The following GPHN variants were observed in gnomAD, a reference collection of about 807,000 sequenced individuals.
GPHN encodes gephyrin.
GPHN carries 17 observed loss-of-function variants against 95.5 expected under a neutral mutation model. The observed-to-expected ratio is 0.18, with a 90% CI of 0.12 to 0.27. GPHN has a LOEUF of 0.27. Ranked by LOEUF, GPHN falls within the 10% of genes least tolerant of loss-of-function variation. The pLI, the probability that GPHN is intolerant of heterozygous loss-of-function variation, is 1.00. For synonymous variants in GPHN, 320 were observed against 322.5 expected, an observed-to-expected ratio of 0.99 and a Z score of 0.08; for missense variants, 660 against 978.1, an observed-to-expected ratio of 0.67 and a Z score of 4.34.
the GPHN span, chr14:67,617,328 G>A: frequency 1.3e-5 from 2 of 152,072 alleles, no homozygotes; most frequent in Non-Finnish European, 2.9e-5. Flanking sequence ...GCAGTAGTGA[G>A]AAGGGGAGAA....
chr14:67,498,892 C>T, the GPHN span, among the ~76,000 whole-genome samples: 1 of 152,172 alleles, frequency 6.6e-6, no homozygotes, highest in African/African-American at 2.4e-5. Context: ...TGGTCTTGAA[C>T]TCCTGACCTC....
Position 67,166,731 on chromosome 14 carries a change from G to A in GPHN, c.1975+1505G>A, listed in dbSNP as rs570864347. Among the ~76,000 whole-genome samples, 40 of 152,192 alleles carry A rather than the reference G, an allele frequency of 2.6e-4. 1 individual carries two copies. In the South Asian group the frequency reaches 7.9e-3, roughly 30 times the overall value. On this transcript the variant is annotated intron_variant, in intron 20 of 22. Transcript: ENST00000478722. The stretch of plus-strand genomic sequence containing the variant: ...GTCGCCCAGGCTGGAGTGCAGCAGC[G>A]CGATCTCAGCTCACTGCAACCTCTG...
At chr14:67,311,310 C>CAA in the GPHN span, among the ~76,000 whole-genome samples, 172 of 63,570 alleles carry the variant, frequency 2.7e-3, 5 homozygotes, top group South Asian at 0.012. Context: ...GACTCCGTCT[C>CAA]AAAAAAAAAA....
chr14:67,179,056 A>G (rs1394672977), intron 21 of GPHN, among the ~76,000 whole-genome samples: 1 of 152,130 alleles, frequency 6.6e-6, no homozygotes, highest in South Asian at 2.1e-4. Context: ...TTCTCTTTTC[A>G]CCAGAGCAAC....
the GPHN span, chr14:67,674,673 C>G: frequency 1.0e-5 from 5 of 476,722 alleles, no homozygotes; most frequent in Non-Finnish European, 1.8e-5. Flanking sequence ...CTTCTCCAGC[C>G]AGTGATTGCT....
the GPHN span, among the ~76,000 whole-genome samples, chr14:67,489,272 C>A: frequency 6.7e-3 from 1,018 of 152,300 alleles, 7 homozygotes; most frequent in Non-Finnish European, 7.9e-3. Context: ...ATTCAAATCC[C>A]AGTCCTCAGC....
chr14:66,579,912 T>C (rs748580584), intron 1 of GPHN, among the ~76,000 whole-genome samples: 3 of 151,786 alleles, frequency 2.0e-5, no homozygotes, highest in Non-Finnish European at 4.4e-5. Flanking sequence ...CCAACAACAT[T>C]GGAACACACA....
intron 1 of GPHN, among the ~76,000 whole-genome samples, chr14:66,586,622 G>T (rs531389899): frequency 5.3e-5 from 8 of 152,214 alleles, no homozygotes; most frequent in East Asian, 1.9e-4. Flanking sequence ...ATCTGTAAAG[G>T]ATTTTATTTC....
the GPHN span, among the ~76,000 whole-genome samples, chr14:67,526,256 C>A: frequency 3.3e-5 from 5 of 152,378 alleles, no homozygotes; most frequent in Admixed American, 2.6e-4. Flanking sequence ...AGTGCCAGCT[C>A]TGTATCCCAT....
the GPHN span, chr14:67,690,839 TA>T: frequency 4.9e-6 from 2 of 405,672 alleles, no homozygotes; most frequent in Non-Finnish European, 8.9e-6. Flanking sequence ...GCAGATGACC[TA>T]TACCTGATGC....
the GPHN span, among the ~76,000 whole-genome samples, chr14:67,706,478 A>G: frequency 2.0e-5 from 3 of 152,222 alleles, no homozygotes; most frequent in Non-Finnish European, 2.9e-5. Context: ...CGGGACATCA[A>G]TCAACATATG....
chr14:66,514,360 A>G (rs2058158006), intron 1 of GPHN, among the ~76,000 whole-genome samples: 1 of 152,044 alleles, frequency 6.6e-6, no homozygotes, highest in East Asian at 1.9e-4. Flanking sequence ...ACTGAATCAT[A>G]GAAAGAACAC....
the GPHN span, among the ~76,000 whole-genome samples, chr14:67,293,573 T>A: frequency 6.6e-6 from 1 of 152,174 alleles, no homozygotes; most frequent in Non-Finnish European, 1.5e-5. Flanking sequence ...TATTTACTTA[T>A]GGTTTAAATG....
At chr14:67,692,879 A>T in the GPHN span, 2 of 1,204,642 alleles carry the variant, frequency 1.7e-6, no homozygotes, top group Non-Finnish European at 2.4e-6. Context: ...AATCATCATT[A>T]CTGTGAGGGG....
At chr14:66,640,906 G>T (rs1263593816) in intron 1 of GPHN, among the ~76,000 whole-genome samples, 1 of 151,992 alleles carries the variant, frequency 6.6e-6, no homozygotes. Flanking sequence ...TAATTATATT[G>T]GTAATCACAT....
the GPHN span, among the ~76,000 whole-genome samples, chr14:67,527,997 C>T: frequency 6.6e-6 from 1 of 152,178 alleles, no homozygotes; most frequent in Non-Finnish European, 1.5e-5. Context: ...CGCTCTCCCT[C>T]TCCTACAGTG....
At chr14:67,275,162 T>C in the GPHN span, among the ~76,000 whole-genome samples, 1 of 152,212 alleles carries the variant, frequency 6.6e-6, no homozygotes, top group Non-Finnish European at 1.5e-5. Context: ...CTGTGTTGAA[T>C]AGGAGTGGTG....
chr14:67,580,083 C>A, the GPHN span: 8 of 551,594 alleles, frequency 1.5e-5, no homozygotes, highest in Non-Finnish European at 2.6e-5. Flanking sequence ...TCTCTGGAGA[C>A]AAGATCGCTA....
At chr14:66,706,509 C>T (rs1026139445) in intron 2 of GPHN, among the ~76,000 whole-genome samples, 6 of 152,142 alleles carry the variant, frequency 3.9e-5, no homozygotes, top group African/African-American at 1.2e-4. Flanking sequence ...AATAACACCA[C>T]ACATCTGCAA....
Sources: gnomAD v4.1 joint callset for allele counts (sites outside exome capture counted in the v4.1 genomes callset) on GRCh38, gnomAD v4.1.1 for gene constraint, MANE v1.5 for transcripts, NCBI Gene and HGNC (gene_info 2026-07-23, HGNC 2026-07-21) for gene names.